Variants in LRRC4C observed in about 807,000 individuals in gnomAD.
The protein encoded by LRRC4C is leucine rich repeat containing 4C, also known as leucine-rich repeat-containing protein 4C.
Under a neutral mutation model 33.6 loss-of-function variants are expected in LRRC4C, and 5 were observed. That is an observed-to-expected ratio of 0.15 (90% CI 0.08 to 0.31). The LOEUF is 0.31. LRRC4C is among the 10% of genes least tolerant of loss of function. The probability of loss-of-function intolerance (pLI) is 1.00; values close to 1 mark genes in which losing one functional copy is unlikely to be tolerated. For missense variants in LRRC4C, 560 were observed against 796.7 expected (o/e 0.70, Z 3.58); for synonymous variants, 329 against 302.0 (o/e 1.09, Z -0.93).
At chr11:41,359,826 C>G (rs1952287367) in intron 1 of LRRC4C, among the ~76,000 whole-genome samples, 1 of 152,170 alleles carries the variant, frequency 6.6e-6, no homozygotes. Flanking sequence ...TGCTTAACCA[C>G]TTAACATGAT....
intron 1 of LRRC4C, among the ~76,000 whole-genome samples, chr11:41,199,215 G>T (rs1434417737): frequency 6.6e-6 from 1 of 152,032 alleles, no homozygotes; most frequent in Non-Finnish European, 1.5e-5. Flanking sequence ...TCCTGAGTTT[G>T]TTCAATTCTT....
At chr11:40,138,274 CCTT>C (rs1857126423) in intron 6 of LRRC4C, among the ~76,000 whole-genome samples, 2 of 151,834 alleles carry the variant, frequency 1.3e-5, no homozygotes, top group Non-Finnish European at 2.9e-5. Context: ...CTCAAGTAAA[CCTT>C]CTACCTCAGC....
chr11:40,854,190 A>T (rs1425440296), intron 2 of LRRC4C, among the ~76,000 whole-genome samples: 1 of 152,148 alleles, frequency 6.6e-6, no homozygotes, highest in Non-Finnish European at 1.5e-5. Flanking sequence ...AGCATTTTGA[A>T]ATCACTCCCA....
At chr11:40,581,498 T>G (rs1316012807) in intron 3 of LRRC4C, among the ~76,000 whole-genome samples, 1 of 152,228 alleles carries the variant, frequency 6.6e-6, no homozygotes, top group Admixed American at 6.5e-5. Flanking sequence ...TTTCTTATGT[T>G]TCTGTTTTGT....
intron 1 of LRRC4C, among the ~76,000 whole-genome samples, chr11:41,252,069 A>T (rs572556987): frequency 7.2e-5 from 11 of 152,330 alleles, no homozygotes; most frequent in Admixed American, 3.3e-4. Context: ...AGGTTGTAAG[A>T]TGTCAAAGTA....
At chr11:40,432,256 C>A (rs1950964832) in intron 3 of LRRC4C, among the ~76,000 whole-genome samples, 1 of 152,116 alleles carries the variant, frequency 6.6e-6, no homozygotes, top group Non-Finnish European at 1.5e-5. Context: ...TTTTAAGTTG[C>A]TGCATTTGTA....
At chr11:40,846,643 C>CT (rs1317902563) in intron 2 of LRRC4C, among the ~76,000 whole-genome samples, 1 of 151,936 alleles carries the variant, frequency 6.6e-6, no homozygotes, top group African/African-American at 2.4e-5. Context: ...TATTATGGCT[C>CT]TTTTTTGGTT....
chr11:40,163,671 T>C (rs923776243), intron 5 of LRRC4C, among the ~76,000 whole-genome samples: 1 of 152,132 alleles, frequency 6.6e-6, no homozygotes, highest in Non-Finnish European at 1.5e-5. Flanking sequence ...AATAACATAA[T>C]AGCAAGTATG....
At chr11:40,840,378 T>G (rs906418406) in intron 2 of LRRC4C, among the ~76,000 whole-genome samples, 4 of 152,218 alleles carry the variant, frequency 2.6e-5, no homozygotes, top group African/African-American at 9.6e-5. Context: ...TTGTATGATC[T>G]ATTTCAACAT....
chr11:40,297,853 G>C (rs1394081409), intron 4 of LRRC4C, among the ~76,000 whole-genome samples: 2 of 152,154 alleles, frequency 1.3e-5, no homozygotes, highest in African/African-American at 2.4e-5. Flanking sequence ...GCTAGGAAGT[G>C]ATAGAGGCAA....
intron 1 of LRRC4C, among the ~76,000 whole-genome samples, chr11:41,211,872 T>C (rs1014879724): frequency 1.3e-5 from 2 of 152,140 alleles, no homozygotes; most frequent in African/African-American, 4.8e-5. Context: ...GGTCAAATGG[T>C]ATTTCTAGTT....
intron 2 of LRRC4C, among the ~76,000 whole-genome samples, chr11:40,916,007 A>C (rs1956942333): frequency 1.3e-5 from 2 of 152,246 alleles, no homozygotes; most frequent in South Asian, 4.1e-4. Context: ...ATACCAGCTC[A>C]TACCAGTTAG....
chr11:40,635,628 ATTTTTTT>A (rs71060975), intron 3 of LRRC4C, among the ~76,000 whole-genome samples: 1 of 92,198 alleles, frequency 1.1e-5, no homozygotes. Flanking sequence ...AAAGAACCAA[ATTTTTTT>A]TTTTTTTTTT....
chr11:40,274,499 A>G (rs1247884419), intron 4 of LRRC4C, among the ~76,000 whole-genome samples: 1 of 151,576 alleles, frequency 6.6e-6, no homozygotes, highest in Non-Finnish European at 1.5e-5. Context: ...ACTTGGCTAG[A>G]CATGGATAGT....
intron 1 of LRRC4C, among the ~76,000 whole-genome samples, chr11:41,127,642 C>T (rs192837334): frequency 6.6e-6 from 1 of 152,140 alleles, no homozygotes; most frequent in East Asian, 1.9e-4. Context: ...GGCCTTGAGA[C>T]TATTTCTAGG....
At chr11:41,135,510 T>G (rs1943217924) in intron 1 of LRRC4C, among the ~76,000 whole-genome samples, 2 of 152,196 alleles carry the variant, frequency 1.3e-5, no homozygotes, top group African/African-American at 4.8e-5. Context: ...AATCTTTACA[T>G]CCCTTGGACT....
intron 1 of LRRC4C, among the ~76,000 whole-genome samples, chr11:41,293,901 T>C (rs889395613): frequency 5.3e-5 from 8 of 151,528 alleles, no homozygotes; most frequent in Non-Finnish European, 1.2e-4. Context: ...CCGGCCAATG[T>C]TATTAAACAC....
chr11:40,302,014 A>C (rs907521243), intron 4 of LRRC4C, among the ~76,000 whole-genome samples: 1 of 152,218 alleles, frequency 6.6e-6, no homozygotes, highest in African/African-American at 2.4e-5. Flanking sequence ...AAAGACTTTC[A>C]AAATGGAAGG....
At chr11:40,268,077 C>A (rs1483663201) in intron 4 of LRRC4C, among the ~76,000 whole-genome samples, 1 of 152,150 alleles carries the variant, frequency 6.6e-6, no homozygotes, top group Non-Finnish European at 1.5e-5. Flanking sequence ...TAGGTAAAGA[C>A]CCTGTATCCT....
Sources: allele counts gnomAD v4.1 joint callset (sites outside exome capture counted in the v4.1 genomes callset), GRCh38; gene constraint gnomAD v4.1.1; transcripts MANE v1.5; gene names NCBI Gene and HGNC (gene_info 2026-07-23, HGNC 2026-07-21).